Variants in PTPRM observed in about 807,000 individuals in gnomAD.
The protein encoded by PTPRM is protein tyrosine phosphatase receptor type M.
Under a neutral mutation model 186.7 loss-of-function variants are expected in PTPRM, and 47 were observed. That is an observed-to-expected ratio of 0.25 (90% confidence interval 0.20 to 0.32). PTPRM has a LOEUF of 0.32. PTPRM is among the 10% of genes least tolerant of loss of function. The pLI, the probability that PTPRM is intolerant of heterozygous loss-of-function variation, is 1.00. For missense variants in PTPRM, 1,494 were observed against 1,865.0 expected (o/e 0.80, Z 3.66); for synonymous variants, 668 against 674.9 (o/e 0.99, Z 0.16).
chr18:7,873,672 CT>C (rs2048087742), intron 2 of PTPRM, among the ~76,000 whole-genome samples: 1 of 152,280 alleles, frequency 6.6e-6, no homozygotes, highest in East Asian at 1.9e-4. Context: ...TGCCAAGAGA[CT>C]TCTTTTCTTT....
chr18:8,212,867 TC>T (rs1392096767), intron 14 of PTPRM, among the ~76,000 whole-genome samples: 5 of 152,076 alleles, frequency 3.3e-5, no homozygotes, highest in Admixed American at 6.5e-5. Context: ...GTCTGTCTCC[TC>T]CCCCTACCCA....
chr18:8,336,687 A>AGGG (rs1657604904), intron 22 of PTPRM, among the ~76,000 whole-genome samples: 3 of 23,262 alleles, frequency 1.3e-4, no homozygotes, highest in East Asian at 1.4e-3. Context: ...AAGGAGGAAG[A>AGGG]GAGGGGAAGG....
At chr18:7,994,773 A>C (rs1204868415) in intron 7 of PTPRM, among the ~76,000 whole-genome samples, 7 of 152,132 alleles carry the variant, frequency 4.6e-5, no homozygotes, top group South Asian at 2.1e-4. Context: ...AATGGAAACA[A>C]ATGAAAATGG....
At chr18:7,780,617 T>C (rs761278147) in intron 2 of PTPRM, among the ~76,000 whole-genome samples, 10 of 152,290 alleles carry the variant, frequency 6.6e-5, no homozygotes, top group South Asian at 2.1e-4. Context: ...GAACGACTAC[T>C]ATGGGCCTGG....
At chr18:8,029,824 G>A (rs2085838933) in intron 7 of PTPRM, among the ~76,000 whole-genome samples, 1 of 152,150 alleles carries the variant, frequency 6.6e-6, no homozygotes, top group African/African-American at 2.4e-5. Context: ...TCCTCCTGAT[G>A]TCTTCCCAAT....
At chr18:8,082,519 C>T (rs1311359185) in intron 9 of PTPRM, among the ~76,000 whole-genome samples, 2 of 140,196 alleles carry the variant, frequency 1.4e-5, no homozygotes, top group African/African-American at 2.6e-5. Context: ...CCCTCCCTCT[C>T]ACCCTCCCTC....
At chr18:8,268,068 A>C (rs1437208678) in intron 19 of PTPRM, among the ~76,000 whole-genome samples, 2 of 152,112 alleles carry the variant, frequency 1.3e-5, no homozygotes, top group Admixed American at 6.5e-5. Context: ...ATAATTTTAG[A>C]ATCACCAAGG....
chr18:8,353,672 G>T (rs1364600485), intron 23 of PTPRM, among the ~76,000 whole-genome samples: 1 of 152,000 alleles, frequency 6.6e-6, no homozygotes, highest in Non-Finnish European at 1.5e-5. Context: ...AATAAAAGTA[G>T]GTGTAAGGAG....
At chr18:7,795,543 T>C (rs1365986111) in intron 2 of PTPRM, among the ~76,000 whole-genome samples, 3 of 151,952 alleles carry the variant, frequency 2.0e-5, no homozygotes, top group Non-Finnish European at 4.4e-5. Context: ...CTTTGTTATG[T>C]CTTTGTTTGT....
chr18:8,341,983 A>G (rs567138305), intron 22 of PTPRM, among the ~76,000 whole-genome samples: 46 of 152,292 alleles, frequency 3.0e-4, no homozygotes, highest in African/African-American at 1.1e-3. Flanking sequence ...TCCCTTCCCC[A>G]AAGGGATTAG....
intron 14 of PTPRM, among the ~76,000 whole-genome samples, chr18:8,220,905 G>T (rs910512996): frequency 3.9e-5 from 6 of 152,136 alleles, no homozygotes; most frequent in African/African-American, 1.4e-4. Context: ...TCATTCATGA[G>T]ATCCATCAGC....
At chr18:7,764,794 C>T (rs981407279) in intron 1 of PTPRM, among the ~76,000 whole-genome samples, 1 of 152,222 alleles carries the variant, frequency 6.6e-6, no homozygotes, top group African/African-American at 2.4e-5. Flanking sequence ...TTTAGTTTGA[C>T]GATCTTCTCC....
At chr18:7,995,969 T>A (rs916069272) in intron 7 of PTPRM, among the ~76,000 whole-genome samples, 2 of 152,140 alleles carry the variant, frequency 1.3e-5, no homozygotes, top group Admixed American at 6.6e-5. Context: ...CTCTCAAAAA[T>A]AGTCTTTCTA....
intron 1 of PTPRM, among the ~76,000 whole-genome samples, chr18:7,713,582 G>A (rs1269667636): frequency 3.3e-5 from 5 of 151,668 alleles, no homozygotes; most frequent in African/African-American, 1.2e-4. Flanking sequence ...TGACAAATTG[G>A]ATAAAGAGTC....
intron 2 of PTPRM, among the ~76,000 whole-genome samples, chr18:7,859,023 G>T (rs1158001833): frequency 6.6e-6 from 1 of 152,152 alleles, no homozygotes; most frequent in Non-Finnish European, 1.5e-5. Context: ...GCATTCTGGG[G>T]TTTTGCCCCA....
intron 14 of PTPRM, among the ~76,000 whole-genome samples, chr18:8,175,811 A>G (rs2093471827): frequency 6.6e-6 from 1 of 152,212 alleles, no homozygotes; most frequent in Non-Finnish European, 1.5e-5. Context: ...GCCTTGAAAC[A>G]TTACGTATTT....
chr18:8,280,070 G>A (rs113046277), intron 19 of PTPRM, among the ~76,000 whole-genome samples: 2 of 152,022 alleles, frequency 1.3e-5, no homozygotes, highest in Non-Finnish European at 2.9e-5. Context: ...GGAAGTGTAC[G>A]CATCTGCTAG....
intron 11 of PTPRM, among the ~76,000 whole-genome samples, chr18:8,107,833 G>A (rs2091590224): frequency 6.6e-6 from 1 of 152,172 alleles, no homozygotes; most frequent in South Asian, 2.1e-4. Context: ...TTAATCAACA[G>A]GTGTGTGTCC....
At chr18:7,923,820 C>A (rs1403107073) in intron 4 of PTPRM, among the ~76,000 whole-genome samples, 5 of 152,158 alleles carry the variant, frequency 3.3e-5, no homozygotes, top group Non-Finnish European at 2.9e-5. Flanking sequence ...TTTCTTTCTG[C>A]ATCTTCTTTT....
Sources: gnomAD v4.1 joint callset for allele counts (sites outside exome capture counted in the v4.1 genomes callset) on GRCh38, gnomAD v4.1.1 for gene constraint, MANE v1.5 for transcripts, NCBI Gene and HGNC (gene_info 2026-07-23, HGNC 2026-07-21) for gene names.